Variants in TBC1D31 observed in about 807,000 individuals in gnomAD.
The protein encoded by TBC1D31 is TBC1 domain family member 31.
TBC1D31 carries 99 observed loss-of-function variants against 132.9 expected under a neutral mutation model. That is an observed-to-expected ratio of 0.74 (90% confidence interval 0.63 to 0.88). The LOEUF is 0.88. Among genes scored for constraint, TBC1D31 ranks in the 40% least tolerant of loss-of-function variants. The pLI, the probability that TBC1D31 is intolerant of heterozygous loss-of-function variation, is 0.00. For synonymous variants in TBC1D31, 385 were observed against 419.4 expected, an observed-to-expected ratio of 0.92 and a Z score of 1.00; for missense variants, 1,134 against 1,256.6, an observed-to-expected ratio of 0.90 and a Z score of 1.48.
intron 10 of TBC1D31, 143 bp from the exon 11 acceptor site, chr8:123,119,912 A>G: frequency 1.6e-6 from 1 of 624,450 alleles, no homozygotes. Context: ...TACTTTTAAC[A>G]ATGGTTACTT....
chr8:123,159,746 C>T, the TBC1D31 span, among the ~76,000 whole-genome samples: 9 of 151,376 alleles, frequency 5.9e-5, no homozygotes, highest in Admixed American at 3.3e-4. Context: ...GAGCCGAGAT[C>T]GCGTCACTGC....
the TBC1D31 span, among the ~76,000 whole-genome samples, chr8:123,159,586 G>A: frequency 1.3e-5 from 2 of 152,224 alleles, no homozygotes; most frequent in Non-Finnish European, 2.9e-5. Context: ...GAGGTCGAGA[G>A]TTCGAGACCA....
chr8:123,126,452 G>T, intron 12 of TBC1D31, 56 bp from the exon 13 acceptor site: 1 of 1,472,558 alleles, frequency 6.8e-7, no homozygotes, highest in South Asian at 1.3e-5. Flanking sequence ...TATTACCAAT[G>T]ACTCCCTTTT....
At chr8:123,142,823 G>A (rs1415226972) in intron 19 of TBC1D31, among the ~76,000 whole-genome samples, 22 of 152,066 alleles carry the variant, frequency 1.4e-4, no homozygotes, top group South Asian at 2.1e-4. Context: ...CAACTTCCTG[G>A]ATTTTTGTTC....
intron 17 of TBC1D31, 37 bp from the exon 18 acceptor site, chr8:123,140,724 T>C: frequency 6.5e-7 from 1 of 1,546,556 alleles, no homozygotes; most frequent in Non-Finnish European, 8.8e-7. Flanking sequence ...TAGCGTTATA[T>C]AAATTAGTGA....
At chr8:123,130,626 T>C (rs1820529127) in intron 16 of TBC1D31, among the ~76,000 whole-genome samples, 1 of 149,150 alleles carries the variant, frequency 6.7e-6, no homozygotes, top group Non-Finnish European at 1.5e-5. Context: ...TTCTTTTCTT[T>C]TTTTTTTTTT....
intron 5 of TBC1D31, among the ~76,000 whole-genome samples, chr8:123,096,713 C>T (rs549938998): frequency 6.6e-6 from 1 of 152,322 alleles, no homozygotes; most frequent in East Asian, 1.9e-4. Flanking sequence ...ATAGTATTAC[C>T]ACACTTTTTA....
In TBC1D31 at chr8:123,129,204, A is replaced by G. The variant is rs781244486; in HGVS notation, c.2256A>G (p.Ile752Met). The G allele has an allele frequency of 1.1e-5, 17 of 1,591,006 alleles. No homozygotes were observed. The highest frequency in any genetic ancestry group is 1.3e-5 in the African/African-American group (1 of 74,468). ...EMLLQEEEKMIQQRQRLAAVK... is the reference protein window; with the variant it reads ...EMLLQEEEKMMQQRQRLAAVK... ...TCTTACAAGAGGAGGAGAAAATGAT[A>G]CAACAAAGACAGAGGTATGTGTTAT... The change falls in exon 15 of 22, where the codon ATA (isoleucine) becomes ATG (methionine). Residue 752 changes from isoleucine to methionine, a missense_variant. Physicochemically the swap from Ile to Met is conservative, Grantham distance 10. Coordinates refer to ENST00000287380, the MANE Select transcript of TBC1D31 (RefSeq NM_145647.4).
Position 123,140,867 on chromosome 8 carries a change from A to C in TBC1D31, c.2606A>C (p.Glu869Ala). ...LEEHMFHKLI[E>A]AGETQSQKTQ... is the part of the protein sequence containing the mutation. Reference sequence around the variant, plus strand: ...GAACACATGTTTCATAAGCTGATAGAAGCAGGTGAAACCCAGAGCCAGAAA... The same window carrying C: ...GAACACATGTTTCATAAGCTGATAGCAGCAGGTGAAACCCAGAGCCAGAAA... Residue 869 changes from glutamate (E) to alanine (A), a missense_variant, in exon 18 of 22, where the codon GAA (glutamate) becomes GCA (alanine). Physicochemically the swap from Glu to Ala is moderately radical, Grantham distance 107. Coordinates refer to ENST00000287380, the MANE Select transcript of TBC1D31 (RefSeq NM_145647.4). The C allele has an allele frequency of 6.2e-7, 1 of 1,613,868 alleles. No individual in the cohort carries two copies. The highest frequency in any genetic ancestry group is 1.1e-5 in the South Asian group (1 of 91,014).
At chr8:123,089,660 A>C (rs1254935857) in intron 4 of TBC1D31, among the ~76,000 whole-genome samples, 1 of 152,204 alleles carries the variant, frequency 6.6e-6, no homozygotes, top group Non-Finnish European at 1.5e-5. Flanking sequence ...GTGAACCAAG[A>C]TCACACCACT....
chr8:123,083,349 A>G (rs1815374454), intron 3 of TBC1D31: 1 of 152,432 alleles, frequency 6.6e-6, no homozygotes, highest in Non-Finnish European at 1.5e-5. Flanking sequence ...ATCAGAATCA[A>G]GTTTAAAAAC....
chr8:123,142,627 T>A (rs1821820912), intron 19 of TBC1D31, among the ~76,000 whole-genome samples, 171 bp downstream of exon 19: 1 of 151,966 alleles, frequency 6.6e-6, no homozygotes, highest in South Asian at 2.1e-4. Context: ...AGCCCCTTTA[T>A]CCAGCCTAAG....
intron 10 of TBC1D31, among the ~76,000 whole-genome samples, chr8:123,114,645 A>C (rs1433109959): frequency 6.6e-6 from 1 of 152,184 alleles, no homozygotes; most frequent in Non-Finnish European, 1.5e-5. Context: ...TTTTAAAAGT[A>C]ACTTTAAAGT....
intron 5 of TBC1D31, among the ~76,000 whole-genome samples, chr8:123,095,047 T>C (rs1816719932): frequency 6.6e-6 from 1 of 152,226 alleles, no homozygotes; most frequent in African/African-American, 2.4e-5. Flanking sequence ...AACTGGTCAT[T>C]TCTCCTCTAG....
intron 10 of TBC1D31, among the ~76,000 whole-genome samples, chr8:123,118,983 C>T (rs890994422): frequency 3.9e-5 from 6 of 152,172 alleles, no homozygotes; most frequent in African/African-American, 1.4e-4. Flanking sequence ...GCCTCAACCC[C>T]CCAAAATGTT....
At chr8:123,084,002 A>G in intron 3 of TBC1D31, 160 bp from the exon 4 acceptor site, 2 of 610,066 alleles carry the variant, frequency 3.3e-6, no homozygotes, top group Admixed American at 2.9e-5. Flanking sequence ...CATACACTTT[A>G]TCAACTAGCC....
chr8:123,077,946 G>A (rs1172970549), intron 2 of TBC1D31, among the ~76,000 whole-genome samples: 5 of 151,854 alleles, frequency 3.3e-5, no homozygotes, highest in Non-Finnish European at 7.4e-5. Context: ...TATTTGGGAG[G>A]CTGAGACAAG....
At chr8:123,078,624 A>C (rs975742661) in intron 2 of TBC1D31, among the ~76,000 whole-genome samples, 1 of 152,228 alleles carries the variant, frequency 6.6e-6, no homozygotes, top group African/African-American at 2.4e-5. Context: ...AGACAGGGAA[A>C]GTACAGGATG....
intron 16 of TBC1D31, among the ~76,000 whole-genome samples, chr8:123,131,947 G>A (rs772184874): frequency 6.6e-6 from 1 of 151,890 alleles, no homozygotes; most frequent in Non-Finnish European, 1.5e-5. Context: ...TTACATATTT[G>A]TATCATTTGT....
Sources: allele counts gnomAD v4.1 joint callset (sites outside exome capture counted in the v4.1 genomes callset), GRCh38; gene constraint gnomAD v4.1.1; transcripts MANE v1.5; gene names NCBI Gene and HGNC (gene_info 2026-07-23, HGNC 2026-07-21).